PHLPP1: variants seen among roughly 807,000 people sequenced by gnomAD.
PHLPP1 encodes the protein PH domain leucine-rich repeat-containing protein phosphatase 1.
A neutral mutation model predicts 117.2 loss-of-function variants in PHLPP1; 42 were observed. The ratio of observed to expected loss-of-function variants is 0.36; its 90% CI spans 0.28 to 0.46. The LOEUF is 0.46. PHLPP1 is among the 20% of genes least tolerant of loss of function. PHLPP1 has a pLI of 1.00. For synonymous variants in PHLPP1, 1,042 were observed against 970.7 expected, an observed-to-expected ratio of 1.07 and a Z score of -1.37; for missense variants, 2,084 against 2,241.9, an observed-to-expected ratio of 0.93 and a Z score of 1.42.
chr18:62,856,552 C>T (rs1019630090), intron 3 of PHLPP1, among the ~76,000 whole-genome samples: 1 of 152,076 alleles, frequency 6.6e-6, no homozygotes. Context: ...CTCAGCCTCC[C>T]GAGTAGCTGG....
chr18:62,961,944 T>C (rs1285667166), intron 13 of PHLPP1, among the ~76,000 whole-genome samples: 2 of 152,236 alleles, frequency 1.3e-5, no homozygotes, highest in Non-Finnish European at 2.9e-5. Flanking sequence ...AAGTTAGATA[T>C]TGATTTACTT....
rs1470272150 is a variant in PHLPP1 at position 62,716,630 on chromosome 18, C to T, written c.947C>T (p.Ala316Val). The T allele has an allele frequency of 7.4e-6, 10 of 1,346,910 alleles. No homozygotes were observed. The Admixed American group carries it at 1.9e-4, about 25-fold the overall frequency. 83.4% of individuals were successfully genotyped at this position (1,346,910 alleles called of 1,614,324 possible). A position where few individuals can be genotyped will look rare whatever the true frequency, so the allele number is the denominator to read the frequency against. Reference sequence around the variant, plus strand: ...GGCCCGGGCGGGTGGTCGCGCCGCGCCAGCCCAGCGCCCTCGGACTCCAGC... The same window carrying T: ...GGCCCGGGCGGGTGGTCGCGCCGCGTCAGCCCAGCGCCCTCGGACTCCAGC... Reference protein sequence around the residue: ...VGGPGGWSRRASPAPSDSSPG... With the variant: ...VGGPGGWSRRVSPAPSDSSPG... Residue 316 changes from alanine (A) to valine (V), a missense_variant, in exon 1 of 17, where the codon GCC becomes GTC. Transcript: ENST00000262719. The surrounding 1 kb of genome is among the most constrained non-coding windows in gnomAD (Gnocchi z 5.7).
chr18:62,958,298 G>A (rs1024408328), intron 12 of PHLPP1, among the ~76,000 whole-genome samples: 2 of 152,138 alleles, frequency 1.3e-5, no homozygotes, highest in Non-Finnish European at 2.9e-5. Flanking sequence ...CTCATGGCAC[G>A]GAGATTTTGT....
At chr18:62,847,113 G>A (rs867292510) in intron 3 of PHLPP1, among the ~76,000 whole-genome samples, 3 of 152,210 alleles carry the variant, frequency 2.0e-5, no homozygotes, top group Non-Finnish European at 4.4e-5. Context: ...CAAAAGAAGC[G>A]TGTTTTTGTG....
chr18:62,788,615 G>A (rs112531839), intron 1 of PHLPP1, among the ~76,000 whole-genome samples: 49 of 151,926 alleles, frequency 3.2e-4, no homozygotes, highest in African/African-American at 1.1e-3. Context: ...CTACCAAGGT[G>A]TGTCACCATA....
At chr18:62,770,968 CA>C (rs1319935555) in intron 1 of PHLPP1, among the ~76,000 whole-genome samples, 2 of 152,008 alleles carry the variant, frequency 1.3e-5, no homozygotes, top group Admixed American at 1.3e-4. Flanking sequence ...CCTGTAATCC[CA>C]ACACTTTGGG....
rs1355234728 is a variant in PHLPP1 at position 62,715,731 on chromosome 18, C to T, written c.48C>T (p.Gly16=). 1.6e-6 allele frequency: 2 copies of T among 1,243,452 alleles called. No individual in the cohort carries two copies. The highest frequency in any genetic ancestry group is 3.3e-5 in the East Asian group (1 of 30,762). The allele number at this position is 1,243,452 out of a possible 1,614,324, so 77.0% of individuals were successfully genotyped here. A position where few individuals can be genotyped will look rare whatever the true frequency, so the allele number is the denominator to read the frequency against. ...CGGTACAGCGACTCCCCGAGCTCGG[C>T]AGGGAGGACCGAGCTTCGGCTCCGG... is the stretch of plus-strand genomic sequence containing the variant. ...AATVQRLPEL[G]REDRASAPAA... is the part of the protein sequence containing the mutation. The change falls in exon 1 of 17, where the codon GGC becomes GGT. Residue 16 remains glycine, a synonymous_variant. Coordinates refer to ENST00000262719, the MANE Select transcript of PHLPP1 (RefSeq NM_194449.4).
At chr18:62,754,193 G>C (rs2144239348) in intron 1 of PHLPP1, among the ~76,000 whole-genome samples, 1 of 152,294 alleles carries the variant, frequency 6.6e-6, no homozygotes, top group Middle Eastern at 3.4e-3. Flanking sequence ...GTTCTGTTCT[G>C]CTGTGGAATT....
chr18:62,905,684 C>T (rs1401959497), intron 8 of PHLPP1, among the ~76,000 whole-genome samples: 1 of 151,742 alleles, frequency 6.6e-6, no homozygotes, highest in Non-Finnish European at 1.5e-5. Context: ...TTTTTAAGTG[C>T]TTTATTTCTT....
chr18:62,789,135 G>C (rs111443132), intron 1 of PHLPP1, among the ~76,000 whole-genome samples: 83 of 152,240 alleles, frequency 5.5e-4, no homozygotes, highest in African/African-American at 1.7e-3. Flanking sequence ...GAGCACACAG[G>C]GGGTGGGGAA....
At chr18:62,857,416 T>G (rs1915527871) in intron 3 of PHLPP1, among the ~76,000 whole-genome samples, 1 of 152,162 alleles carries the variant, frequency 6.6e-6, no homozygotes, top group Admixed American at 6.6e-5. Context: ...CTTTCCTGGT[T>G]TCAGAATATG....
At chr18:62,963,007 G>C (rs1910809793) in intron 13 of PHLPP1, among the ~76,000 whole-genome samples, 1 of 152,122 alleles carries the variant, frequency 6.6e-6, no homozygotes, top group African/African-American at 2.4e-5. Flanking sequence ...GAGTATTCAT[G>C]GTGTAAGAAT....
chr18:62,919,896 G>A, intron 9 of PHLPP1, 63 bp from the exon 10 acceptor site: 1 of 1,171,196 alleles, frequency 8.5e-7, no homozygotes, highest in Non-Finnish European at 1.2e-6. Context: ...GATTTTTGGA[G>A]AGGTAATTTT....
At position 62,716,435 on chromosome 18, in the gene PHLPP1, GGCCCGGAGCCGCCGCCGCCCGGGA is replaced by G; in HGVS notation, c.758_781del (p.Gly253_Pro260del). ...GGCGTGGTGAAGGTGCTGGGCCAGG[GGCCCGGAGCCGCCGCCGCCCGGGA>G]GCCCGCTGAACCGCCCCCCGAGGCC... On this transcript the variant is annotated inframe_deletion, in exon 1 of 17. Transcript: ENST00000262719. This position sits in a 1 kb window ranked among gnomAD's most constrained non-coding sequence, Gnocchi z 5.7. 1 of 1,331,980 alleles carries G rather than the reference GGCCCGGAGCCGCCGCCGCCCGGGA, an allele frequency of 7.5e-7. No homozygotes were observed. Among genetic ancestry groups the G allele is most frequent in the Non-Finnish European group, 9.6e-7 (1 of 1,044,710 alleles). The allele number at this position is 1,331,980 out of a possible 1,614,324, so 82.5% of individuals were successfully genotyped here.
intron 4 of PHLPP1, among the ~76,000 whole-genome samples, chr18:62,864,902 G>C (rs1915733152): frequency 1.3e-5 from 2 of 152,148 alleles, no homozygotes; most frequent in South Asian, 2.1e-4. Flanking sequence ...CTAATAACAG[G>C]TATACCACAG....
At chr18:62,766,076 A>AAAAAAAAATATATATATATATATATAT in intron 1 of PHLPP1, among the ~76,000 whole-genome samples, 4 of 21,662 alleles carry the variant, frequency 1.8e-4, no homozygotes, top group Non-Finnish European at 2.5e-4. Flanking sequence ...AAAAAAAAAA[A>AAAAAAAAATATATATATATATATATAT]ATATATATAT....
At chr18:62,769,458 C>T (rs150121771) in intron 1 of PHLPP1, among the ~76,000 whole-genome samples, 3 of 152,258 alleles carry the variant, frequency 2.0e-5, no homozygotes, top group Admixed American at 6.5e-5. Flanking sequence ...CAACTTTAAA[C>T]AAACTCTTGT....
rs150151494 is a variant in PHLPP1, at chr18:62,927,064, A to G, written c.2960+6950A>G. ...AACTTGAAGGGATAGCAAGCCAGAA[A>G]TACAGTAATTGAAGGAAAATTGGCA... is the stretch of plus-strand genomic sequence containing the variant. On this transcript the variant is annotated intron_variant, in intron 10 of 16. Coordinates refer to ENST00000262719, the MANE Select transcript of PHLPP1 (RefSeq NM_194449.4). Among the ~76,000 whole-genome samples the G allele has an allele frequency of 1.1e-4, 16 of 152,318 alleles. No homozygotes were observed. The East Asian group carries it at 2.9e-3, about 28-fold the overall frequency.
chr18:62,770,555 T>TG (rs1358238598), intron 1 of PHLPP1, among the ~76,000 whole-genome samples: 1 of 152,238 alleles, frequency 6.6e-6, no homozygotes, highest in Admixed American at 6.5e-5. Context: ...ACTTTTTGGA[T>TG]GAGAACACCA....
Sources: gnomAD v4.1 joint callset for allele counts (sites outside exome capture counted in the v4.1 genomes callset) on GRCh38, gnomAD v4.1.1 for gene constraint, Gnocchi (gnomAD v3.1) non-coding constraint, MANE v1.5 for transcripts, NCBI Gene and HGNC (gene_info 2026-07-23, HGNC 2026-07-21) for gene names.